Variants in TRIO observed in about 807,000 individuals in gnomAD.
The protein encoded by TRIO is triple functional domain protein.
In TRIO, 58 loss-of-function variants were observed where a neutral mutation model predicts 351.9. That is an observed-to-expected ratio of 0.16 (90% CI 0.13 to 0.21). The LOEUF (loss-of-function observed/expected upper bound fraction) is 0.21, where lower values mean the gene tolerates loss of function less well. Among genes scored for constraint, TRIO ranks in the 10% least tolerant of loss-of-function variants. The pLI is 1.00. For missense variants in TRIO, 3,201 were observed against 4,027.8 expected (o/e 0.79, Z 5.56); for synonymous variants, 1,758 against 1,595.7 (o/e 1.10, Z -2.42).
chr5:14,489,780 C>T (rs945306460), intron 48 of TRIO, among the ~76,000 whole-genome samples: 20 of 152,182 alleles, frequency 1.3e-4, no homozygotes, highest in South Asian at 4.1e-4. Flanking sequence ...GAGGCCAAGG[C>T]GCAATCTGCA....
chr5:14,387,259 G>C, intron 21 of TRIO, 179 bp from the exon 22 acceptor site: 2 of 563,190 alleles, frequency 3.6e-6, no homozygotes, highest in East Asian at 5.6e-5. Context: ...GCTGAGGAGA[G>C]ATAGCTGGTC....
At chr5:14,218,610 G>A (rs936366321) in intron 1 of TRIO, among the ~76,000 whole-genome samples, 2 of 152,196 alleles carry the variant, frequency 1.3e-5, no homozygotes, top group Non-Finnish European at 2.9e-5. Flanking sequence ...GGCCCTGGGC[G>A]AGGCTGCGCA....
intron 46 of TRIO, among the ~76,000 whole-genome samples, chr5:14,483,631 G>A (rs986530571): frequency 2.0e-5 from 3 of 152,166 alleles, no homozygotes; most frequent in Non-Finnish European, 4.4e-5. Context: ...GGGTCTGTCC[G>A]TGGGCACAGG....
intron 37 of TRIO, among the ~76,000 whole-genome samples, chr5:14,470,915 C>T (rs1482058277): frequency 6.6e-6 from 1 of 152,170 alleles, no homozygotes; most frequent in Non-Finnish European, 1.5e-5. Flanking sequence ...GCCACACTGG[C>T]CTGACCCACG....
chr5:14,347,091 C>G (rs955832651), intron 11 of TRIO, among the ~76,000 whole-genome samples: 376 of 138,322 alleles, frequency 2.7e-3, no homozygotes, highest in South Asian at 6.7e-3. Flanking sequence ...TCAGGCGGAC[C>G]TGAGGTCCTG....
chr5:14,236,176 C>T (rs866491376), intron 1 of TRIO, among the ~76,000 whole-genome samples: 16 of 152,112 alleles, frequency 1.1e-4, no homozygotes, highest in Middle Eastern at 3.4e-3. Flanking sequence ...TAAAGCCTCC[C>T]CACCCCACCC....
rs1416206354 is a variant in TRIO, at chr5:14,488,241, A to C, written c.7613A>C (p.Gln2538Pro). 2.5e-6 allele frequency: 4 copies of C among 1,580,910 alleles called. No individual in the cohort carries two copies. The East Asian group carries it at 9.1e-5, about 36-fold the overall frequency. Residue 2538 changes from glutamine to proline, a missense_variant, in exon 48 of 57, where the codon CAG becomes CCG. Physicochemically the swap from Gln to Pro is moderately conservative, Grantham distance 76. Around this residue, in one of 19 missense-constraint regions of TRIO, gnomAD observed 1,089 missense variants for 954.9 expected, o/e 1.14. Transcript: ENST00000344204. ...TCCTCGGCCAGCGAGCAGTCCGTGC[A>C]GTCCACCCAGAGCAACGGGGTAAGC... ...TCSSASEQSV[Q>P]STQSNGSESS... is the part of the protein sequence containing the mutation.
At chr5:14,485,272 T>G in intron 47 of TRIO, 26 bp downstream of exon 47, 1 of 1,551,932 alleles carries the variant, frequency 6.4e-7, no homozygotes. Flanking sequence ...TTACTAGATG[T>G]GTGCTTTCTT....
Position 14,508,452 on chromosome 5 carries a change from T to G in TRIO, c.*30T>G, listed in dbSNP as rs773021623. ...TCCAGAAGTTCTTTCTCATTCTCTTTCACCTGCCAATCAGCTGTTAATCTG... is the reference window on the plus strand; with the variant it reads ...TCCAGAAGTTCTTTCTCATTCTCTTGCACCTGCCAATCAGCTGTTAATCTG... On this transcript the variant is annotated 3_prime_UTR_variant, in exon 57 of 57. Transcript: ENST00000344204. 2 of 1,552,290 alleles carry G rather than the reference T, an allele frequency of 1.3e-6. No homozygotes were observed. The highest frequency in any genetic ancestry group is 1.7e-6 in the Non-Finnish European group (2 of 1,150,140).
chr5:14,383,072 G>A (rs1004406472), intron 21 of TRIO, among the ~76,000 whole-genome samples: 2 of 152,134 alleles, frequency 1.3e-5, no homozygotes, highest in Non-Finnish European at 2.9e-5. Context: ...TCAAACTCCT[G>A]AGCTCAAGGG....
chr5:14,144,491 A>C, intron 1 of TRIO, among the ~76,000 whole-genome samples: 1 of 151,938 alleles, frequency 6.6e-6, no homozygotes, highest in Non-Finnish European at 1.5e-5. Context: ...GGGAGTGGGG[A>C]CGGTGGCCGA....
chr5:14,448,867 T>C (rs969465609), intron 34 of TRIO, among the ~76,000 whole-genome samples: 4 of 152,224 alleles, frequency 2.6e-5, no homozygotes, highest in Non-Finnish European at 2.9e-5. Flanking sequence ...AGATAGTTCC[T>C]TGGGGATTTT....
At position 14,306,418 on chromosome 5, in the gene TRIO, A is replaced by G. The variant is rs1045482680; in HGVS notation, c.1500+1826A>G. On this transcript the variant is annotated intron_variant, in intron 8 of 56. Coordinates refer to ENST00000344204, the MANE Select transcript of TRIO (RefSeq NM_007118.4). ...TTAATCACATTGGCTCATGAGGATTATGTCACTTCTAAAAACCATCAAGTT... is the reference window on the plus strand; with the variant it reads ...TTAATCACATTGGCTCATGAGGATTGTGTCACTTCTAAAAACCATCAAGTT... Among the ~76,000 whole-genome samples the G allele has an allele frequency of 4.5e-4, 69 of 152,352 alleles. 1 individual carries two copies. The highest frequency in any genetic ancestry group is 3.4e-3 in the Middle Eastern group (1 of 294).
intron 1 of TRIO, among the ~76,000 whole-genome samples, chr5:14,204,128 G>A (rs910156655): frequency 2.0e-5 from 3 of 152,092 alleles, no homozygotes; most frequent in African/African-American, 4.8e-5. Flanking sequence ...TTATTTCTTG[G>A]GAAATGCTTG....
chr5:14,338,444 T>C (rs553451882), intron 11 of TRIO, among the ~76,000 whole-genome samples: 1 of 152,336 alleles, frequency 6.6e-6, no homozygotes, highest in Non-Finnish European at 1.5e-5. Flanking sequence ...TTAGCCGCTC[T>C]CCCTTGCACC....
chr5:14,442,737 C>T (rs1436841027), intron 34 of TRIO, among the ~76,000 whole-genome samples: 1 of 152,214 alleles, frequency 6.6e-6, no homozygotes, highest in Non-Finnish European at 1.5e-5. Flanking sequence ...GTAGATGATG[C>T]ATCTGCTCTC....
intron 2 of TRIO, among the ~76,000 whole-genome samples, chr5:14,278,208 G>A (rs538063892): frequency 1.4e-3 from 213 of 152,304 alleles, no homozygotes; most frequent in Non-Finnish European, 2.7e-3. Flanking sequence ...AGTAGGGGCT[G>A]TCAAAACTTC....
intron 8 of TRIO, among the ~76,000 whole-genome samples, chr5:14,307,990 G>A (rs893332009): frequency 2.6e-5 from 4 of 152,058 alleles, no homozygotes; most frequent in East Asian, 1.9e-4. Context: ...GCTTTTTTCT[G>A]TGTCTTTTTG....
intron 41 of TRIO, among the ~76,000 whole-genome samples, chr5:14,477,847 T>G (rs1278870473): frequency 6.6e-6 from 1 of 152,226 alleles, no homozygotes. Context: ...AAATCCAGTT[T>G]TTGAACTTGA....
Sources: allele counts gnomAD v4.1 joint callset (sites outside exome capture counted in the v4.1 genomes callset), GRCh38; gene constraint gnomAD v4.1.1; regional missense constraint gnomAD v4.1.1; transcripts MANE v1.5; gene names NCBI Gene and HGNC (gene_info 2026-07-23, HGNC 2026-07-21).